The following ZNF470 variants were observed in gnomAD, a reference collection of about 807,000 sequenced individuals.
ZNF470 encodes zinc finger protein 470.
Under a neutral mutation model 13.9 loss-of-function variants are expected in ZNF470, and 13 were observed. The ratio of observed to expected loss-of-function variants is 0.94; its 90% CI spans 0.61 to 1.49. The LOEUF is 1.49. ZNF470 is among the 40% of genes most tolerant of loss of function. The probability of loss-of-function intolerance (pLI) is 0.00; values close to 1 mark genes in which losing one functional copy is unlikely to be tolerated. For synonymous variants in ZNF470, 293 were observed against 282.9 expected (o/e 1.04, Z -0.36); for missense variants, 929 against 857.3 (o/e 1.08, Z -1.04).
At chr19:56,572,647 A>G (rs1026386557) in intron 3 of ZNF470, among the ~76,000 whole-genome samples, 6 of 149,904 alleles carry the variant, frequency 4.0e-5, no homozygotes, top group African/African-American at 1.5e-4. Flanking sequence ...AAAACCTGCA[A>G]GTGGGTAATG....
In ZNF470 at chr19:56,582,546, C is replaced by A; in HGVS notation, c.*3963C>A. The A allele has an allele frequency of 1.0e-6, 1 of 985,358 alleles. No homozygotes were observed. The highest frequency in any genetic ancestry group is 1.2e-6 in the Non-Finnish European group (1 of 829,912). The allele number at this position is 985,358 out of a possible 1,614,324, so 61.0% of individuals were successfully genotyped here. On this transcript the variant is annotated 3_prime_UTR_variant, in exon 6 of 6. Coordinates refer to ENST00000330619, the MANE Select transcript of ZNF470 (RefSeq NM_001001668.4). ...AATTCAGTTCTGAATTGTGTTCCCA[C>A]CAGCACCACCAAATGCTGGCCTCTA...
intron 3 of ZNF470, among the ~76,000 whole-genome samples, chr19:56,572,372 A>ATATG (rs1474383510): frequency 5.8e-5 from 2 of 34,702 alleles, no homozygotes; most frequent in African/African-American, 2.4e-4. Context: ...AAAAAAAAAA[A>ATATG]TATATATATA....
In ZNF470 at chr19:56,577,178, A is replaced by G; in HGVS notation, c.749A>G (p.His250Arg). ...ISTLTLHQRI[H>R]TGEKPYECIE... ...ACCCTTACTCTTCACCAAAGAATTC[A>G]TACAGGAGAGAAACCCTATGAATGT... is the stretch of plus-strand genomic sequence containing the variant. The change falls in exon 6 of 6, where the codon CAT (histidine) becomes CGT (arginine). Residue 250 changes from histidine to arginine, a missense_variant. Physicochemically the swap from His to Arg is conservative, Grantham distance 29. Transcript: ENST00000330619. 1 of 1,613,536 alleles carries G rather than the reference A, an allele frequency of 6.2e-7. No individual in the cohort carries two copies. The highest frequency in any genetic ancestry group is 8.5e-7 in the Non-Finnish European group (1 of 1,179,856).
Position 56,581,844 on chromosome 19 carries a change from A to C in ZNF470, c.*3261A>C. 2.0e-6 allele frequency: 2 copies of C among 985,372 alleles called. No individual in the cohort carries two copies. The highest frequency in any genetic ancestry group is 2.4e-6 in the Non-Finnish European group (2 of 829,926). The allele number at this position is 985,372 out of a possible 1,614,324, so 61.0% of individuals were successfully genotyped here. A position where few individuals can be genotyped will look rare whatever the true frequency, so the allele number is the denominator to read the frequency against. On this transcript the variant is annotated 3_prime_UTR_variant, in exon 6 of 6. Transcript: ENST00000330619. ...AAATTGTCTCTGAATTTCAAAAGGC[A>C]TTTGGATCTGTGTCATCCAATGGCA...
Position 56,570,308 on chromosome 19 carries a change from C to T in ZNF470, c.-4C>T, listed in dbSNP as rs1038457274. On this transcript the variant is annotated 5_prime_UTR_variant, in exon 3 of 6. Coordinates refer to ENST00000330619, the MANE Select transcript of ZNF470 (RefSeq NM_001001668.4). ...TACAATCCCAGAGTAAAGCTCTTCT[C>T]CAAATGAAGAGCCAGGAAGAGGTAG... 2.5e-6 allele frequency: 4 copies of T among 1,613,816 alleles called. No homozygotes were observed. Among genetic ancestry groups the T allele is most frequent in the South Asian group, 1.1e-5 (1 of 91,074 alleles).
rs1206022350 is a variant in ZNF470, at chr19:56,570,281, T to C, written c.-31T>C. 1 of 1,610,164 alleles carries C rather than the reference T, an allele frequency of 6.2e-7. No homozygotes were observed. The highest frequency in any genetic ancestry group is 8.5e-7 in the Non-Finnish European group (1 of 1,176,762). On this transcript the variant is annotated splice_region_variant and 5_prime_UTR_variant, in exon 3 of 6. Coordinates refer to ENST00000330619, the MANE Select transcript of ZNF470 (RefSeq NM_001001668.4). ...CTCACTACTTCTTTTTCTCCCCAGC[T>C]CTACAATCCCAGAGTAAAGCTCTTC...
chr19:56,568,324 A>G (rs935480221), intron 1 of ZNF470, among the ~76,000 whole-genome samples: 2 of 152,238 alleles, frequency 1.3e-5, no homozygotes, highest in African/African-American at 4.8e-5. Context: ...TACCCATTAT[A>G]GCATTACTTC....
rs968549722 is a variant in ZNF470 at position 56,581,137 on chromosome 19, G to A, written c.*2554G>A. ...TTTGCAACAGATATAATAAAGGACTGTAATTCGTGATATTCAAAGTACTAT... is the reference window on the plus strand; with the variant it reads ...TTTGCAACAGATATAATAAAGGACTATAATTCGTGATATTCAAAGTACTAT... On this transcript the variant is annotated 3_prime_UTR_variant, in exon 6 of 6. Transcript: ENST00000330619. 44 of 898,288 alleles carry A rather than the reference G, an allele frequency of 4.9e-5. No homozygotes were observed. The highest frequency in any genetic ancestry group is 5.5e-5 in the Non-Finnish European group (41 of 750,940). 55.6% of individuals were successfully genotyped at this position (898,288 alleles called of 1,614,324 possible).
intron 2 of ZNF470, among the ~76,000 whole-genome samples, chr19:56,569,756 G>A (rs1236080398): frequency 1.3e-5 from 2 of 152,006 alleles, no homozygotes; most frequent in African/African-American, 2.4e-5. Flanking sequence ...CTAACTCCAG[G>A]AGGTTGACAC....
chr19:56,570,825 G>A (rs965092698), intron 3 of ZNF470, among the ~76,000 whole-genome samples: 5 of 152,170 alleles, frequency 3.3e-5, no homozygotes, highest in African/African-American at 1.2e-4. Flanking sequence ...GGAATACTTG[G>A]GAAGGGCCAT....
In ZNF470 at chr19:56,579,536, A is replaced by C. The variant is rs771971656; in HGVS notation, c.*953A>C. 93 of 985,298 alleles carry C rather than the reference A, an allele frequency of 9.4e-5. No individual in the cohort carries two copies. The highest frequency in any genetic ancestry group is 1.1e-4 in the Non-Finnish European group (92 of 829,940). The allele number at this position is 985,298 out of a possible 1,614,324, so 61.0% of individuals were successfully genotyped here. On this transcript the variant is annotated 3_prime_UTR_variant, in exon 6 of 6. Coordinates refer to ENST00000330619, the MANE Select transcript of ZNF470 (RefSeq NM_001001668.4). ...TTGAATAGATTAATAGCCATGAAAC[A>C]CTGAAAAGGGTAGTTCAATACTTTG...
Position 56,581,374 on chromosome 19 carries a change from TTGA to T in ZNF470, c.*2793_*2795del. ...GTGTGGAAACAAGGGAATTCCATTG[TTGA>T]TTACATATCTATTGCTTTATGTATA... On this transcript the variant is annotated 3_prime_UTR_variant, in exon 6 of 6. Transcript: ENST00000330619. 2.1e-6 allele frequency: 2 copies of T among 957,070 alleles called. No homozygotes were observed. Among genetic ancestry groups the T allele is most frequent in the South Asian group, 4.8e-5 (1 of 20,670 alleles). 59.3% of individuals were successfully genotyped at this position (957,070 alleles called of 1,614,324 possible). A position where few individuals can be genotyped will look rare whatever the true frequency, so the allele number is the denominator to read the frequency against.
chr19:56,577,627 A>G lies in ZNF470; in HGVS notation c.1198A>G (p.Ile400Val), dbSNP rs2044500759. 6.2e-7 allele frequency: 1 copy of G among 1,614,044 alleles called. No individual in the cohort carries two copies. Among genetic ancestry groups the G allele is most frequent in the Non-Finnish European group, 8.5e-7 (1 of 1,180,002 alleles). The stretch of plus-strand genomic sequence containing the variant: ...TACTGGAGAGAAACCCTTTGACTGT[A>G]TTGATTGTGGGAAGGCTTTCACTGA... The part of the protein sequence containing the change: ...YHTGEKPFDC[I>V]DCGKAFTDHI... Residue 400 changes from isoleucine to valine, a missense_variant, in exon 6 of 6, where the codon ATT becomes GTT. Transcript: ENST00000330619.
In ZNF470 at chr19:56,577,869, C is replaced by A. The variant is rs2044503356; in HGVS notation, c.1440C>A (p.Pro480=). The A allele has an allele frequency of 1.2e-6, 2 of 1,613,570 alleles. No individual in the cohort carries two copies. Among genetic ancestry groups the A allele is most frequent in the East Asian group, 2.2e-5 (1 of 44,828 alleles). Residue 480 remains proline (P), a synonymous_variant, in exon 6 of 6, where the codon CCC becomes CCA. Coordinates refer to ENST00000330619, the MANE Select transcript of ZNF470 (RefSeq NM_001001668.4). The stretch of plus-strand genomic sequence containing the variant: ...AGAGAGTTCATACTGGAGAGAAACC[C>A]TATGAATGTAAAGAATGTGGGAAAG... ...LHQRVHTGEK[P]YECKECGKAF...
rs2044528975 is a variant in ZNF470 at position 56,580,695 on chromosome 19, T to C, written c.*2112T>C. ...GAGGGCCATGTGAGGGAAGCCGTTA[T>C]CCAGAGTACATGACTGCTAGAAAAT... On this transcript the variant is annotated 3_prime_UTR_variant, in exon 6 of 6. Transcript: ENST00000330619. 4.2e-6 allele frequency: 1 copy of C among 238,628 alleles called. No homozygotes were observed. Among genetic ancestry groups the C allele is most frequent in the Non-Finnish European group, 6.8e-6 (1 of 147,514 alleles). 14.8% of individuals were successfully genotyped at this position (238,628 alleles called of 1,614,324 possible). A position where few individuals can be genotyped will look rare whatever the true frequency, so the allele number is the denominator to read the frequency against.
At chr19:56,575,633 A>C (rs1452942796) in intron 5 of ZNF470, among the ~76,000 whole-genome samples, 1 of 151,766 alleles carries the variant, frequency 6.6e-6, no homozygotes, top group Non-Finnish European at 1.5e-5. Context: ...ATTTTATTTT[A>C]TTTTATTTTA....
Position 56,582,655 on chromosome 19 carries a change from T to G in ZNF470, c.*4072T>G, listed in dbSNP as rs373655180. The G allele has an allele frequency of 1.2e-6, 1 of 853,242 alleles. No individual in the cohort carries two copies. The highest frequency in any genetic ancestry group is 1.4e-6 in the Non-Finnish European group (1 of 709,694). The allele number at this position is 853,242 out of a possible 1,614,324, so 52.9% of individuals were successfully genotyped here. On this transcript the variant is annotated 3_prime_UTR_variant, in exon 6 of 6. Transcript: ENST00000330619. Reference sequence around the variant, plus strand: ...AGGCCTTTAAGAAACTAAGGTTAAGTTAGGCCATAAGAGTGAGGCCCTAAT... The same window carrying G: ...AGGCCTTTAAGAAACTAAGGTTAAGGTAGGCCATAAGAGTGAGGCCCTAAT...
rs1023198853 is a variant in ZNF470 at position 56,580,074 on chromosome 19, A to T, written c.*1491A>T. 1.2e-6 allele frequency: 1 copy of T among 816,196 alleles called. No homozygotes were observed. The highest frequency in any genetic ancestry group is 1.5e-6 in the Non-Finnish European group (1 of 675,876). The allele number at this position is 816,196 out of a possible 1,614,324, so 50.6% of individuals were successfully genotyped here. ...TAAATGCATGCTATGTGATAAGTAT[A>T]TGATATGTCCCATAAAGAGAAATGA... On this transcript the variant is annotated 3_prime_UTR_variant, in exon 6 of 6. Coordinates refer to ENST00000330619, the MANE Select transcript of ZNF470 (RefSeq NM_001001668.4).
intron 2 of ZNF470, 154 bp from the exon 3 acceptor site, chr19:56,570,126 T>C (rs2044440649): frequency 3.4e-6 from 2 of 581,362 alleles, no homozygotes; most frequent in East Asian, 2.9e-5. Flanking sequence ...CCCAGCTATA[T>C]ATTTCAAGTC....
Sources: allele counts gnomAD v4.1 joint callset (sites outside exome capture counted in the v4.1 genomes callset), GRCh38; gene constraint gnomAD v4.1.1; transcripts MANE v1.5; gene names NCBI Gene and HGNC (gene_info 2026-07-23, HGNC 2026-07-21).